IYD: variants seen among roughly 807,000 people sequenced by gnomAD.
The protein encoded by IYD is iodotyrosine deiodinase 1.
In IYD, 25 loss-of-function variants were observed where a neutral mutation model predicts 28.4. That is an observed-to-expected ratio of 0.88 (90% CI 0.64 to 1.23). The LOEUF is 1.23. IYD is among the 50% of genes most tolerant of loss of function. IYD has a pLI of 0.00. For missense variants in IYD, 352 were observed against 357.9 expected (o/e 0.98, Z 0.13); for synonymous variants, 140 against 130.8 (o/e 1.07, Z -0.48).
chr6:150,374,315 C>T (rs1252955358), intron 1 of IYD, among the ~76,000 whole-genome samples: 1 of 152,120 alleles, frequency 6.6e-6, no homozygotes, highest in South Asian at 2.1e-4. Context: ...AGTGAACAGT[C>T]GTGGAGACAT....
At chr6:150,388,665 T>TTC (rs1777986741) in intron 1 of IYD, among the ~76,000 whole-genome samples, 1 of 146,454 alleles carries the variant, frequency 6.8e-6, no homozygotes, top group Non-Finnish European at 1.5e-5. Flanking sequence ...CTTTCTTTCT[T>TTC]TCTTTCTTTC....
Position 150,395,640 on chromosome 6 carries a change from C to T in IYD, c.687+1385C>T, listed in dbSNP as rs548065860. 3.2e-4 allele frequency: 383 copies of T among 1,182,618 alleles called. 2 individuals carry two copies. In the African/African-American group the frequency reaches 5.0e-3, roughly 15 times the overall value. 73.3% of individuals were successfully genotyped at this position (1,182,618 alleles called of 1,614,324 possible). On this transcript the variant is annotated intron_variant, in intron 4 of 4. Transcript: ENST00000344419. Reference sequence around the variant, plus strand: ...CCCCCTAGCTTTCATAAGGCATAATCCCGAGAGTAGGTTATGATTAGTGAT... The same window carrying T: ...CCCCCTAGCTTTCATAAGGCATAATTCCGAGAGTAGGTTATGATTAGTGAT...
At chr6:150,373,774 A>T (rs117270228) in intron 1 of IYD, among the ~76,000 whole-genome samples, 2 of 152,210 alleles carry the variant, frequency 1.3e-5, no homozygotes, top group African/African-American at 2.4e-5. Context: ...CTGCTCAGAG[A>T]GTCGAGCTTG....
chr6:150,395,573 C>T (rs1327206886), intron 4 of IYD: 5 of 1,536,036 alleles, frequency 3.3e-6, no homozygotes, highest in Non-Finnish European at 4.4e-6. Flanking sequence ...CCAGGTGCCT[C>T]TGCAGCAGGC....
intron 1 of IYD, among the ~76,000 whole-genome samples, chr6:150,387,518 A>G (rs74464866): frequency 0.01 from 1,563 of 151,842 alleles, 31 homozygotes; most frequent in African/African-American, 0.035. Flanking sequence ...CTCAGATGCT[A>G]TCTTTTCAAA....
In IYD at chr6:150,400,533, C is replaced by T. The variant is rs1778478106; in HGVS notation, c.*2296C>T. On this transcript the variant is annotated 3_prime_UTR_variant, in exon 5 of 5. Transcript: ENST00000344419. ...CCTAATTTTCAGTTTACAGTAAATA[C>T]AGAGGATAAAGAAGTTAATGGCATG... is the stretch of plus-strand genomic sequence containing the variant. 2 of 152,038 alleles carry T rather than the reference C, an allele frequency of 1.3e-5. No homozygotes were observed. Among genetic ancestry groups the T allele is most frequent in the Non-Finnish European group, 2.9e-5 (2 of 68,014 alleles). The allele number at this position is 152,038 out of a possible 1,614,324, so 9.4% of individuals were successfully genotyped here. A position where few individuals can be genotyped will look rare whatever the true frequency, so the allele number is the denominator to read the frequency against.
At chr6:150,383,296 T>TC (rs1309380551) in intron 1 of IYD, among the ~76,000 whole-genome samples, 2 of 151,904 alleles carry the variant, frequency 1.3e-5, no homozygotes, top group African/African-American at 4.8e-5. Context: ...CTGTCAAGTC[T>TC]CCATGGGTAG....
At position 150,392,602 on chromosome 6, in the gene IYD, C is replaced by G. The variant is rs77168922; in HGVS notation, c.530+98C>G. On this transcript the variant is annotated intron_variant, in intron 3 of 4. Coordinates refer to ENST00000344419, the MANE Select transcript of IYD (RefSeq NM_203395.3). ...TGGCTTTGTTGTAAGCGTGAAAAAG[C>G]TTGATTCTATTCTGCCTCTTGGAGG... is the stretch of plus-strand genomic sequence containing the variant. The G allele has an allele frequency of 3.6e-3, 4,550 of 1,281,660 alleles. 153 individuals are homozygous for G. The African/African-American group carries it at 0.059, about 17-fold the overall frequency. 79.4% of individuals were successfully genotyped at this position (1,281,660 alleles called of 1,614,324 possible).
intron 1 of IYD, among the ~76,000 whole-genome samples, chr6:150,376,814 G>T (rs1582772975): frequency 1.3e-5 from 2 of 152,120 alleles, no homozygotes; most frequent in South Asian, 4.2e-4. Context: ...TAAAGACAGG[G>T]TCTCTCTATG....
At chr6:150,376,507 G>A (rs1777450877) in intron 1 of IYD, among the ~76,000 whole-genome samples, 1 of 151,904 alleles carries the variant, frequency 6.6e-6, no homozygotes, top group Non-Finnish European at 1.5e-5. Context: ...GGAAGGCGAG[G>A]GGTGGAACTT....
intron 1 of IYD, among the ~76,000 whole-genome samples, chr6:150,379,831 C>T (rs1037027418): frequency 1.3e-5 from 2 of 152,120 alleles, no homozygotes; most frequent in African/African-American, 4.8e-5. Flanking sequence ...ATTCATTCCC[C>T]CTGAAATTCA....
rs1173649599 is a variant in IYD at position 150,369,192 on chromosome 6, T to C, written c.161T>C (p.Leu54Pro). The change falls in exon 1 of 5, where the codon CTG becomes CCG. Residue 54 changes from leucine (L) to proline (P), a missense_variant. Physicochemically the swap from Leu to Pro is moderately conservative, Grantham distance 98. Transcript: ENST00000344419. ...GAAGACTTAAAAGACAGCAGTGACCTGCACCAAGCAGAAGAAGGTAAAGAC... is the reference window on the plus strand; with the variant it reads ...GAAGACTTAAAAGACAGCAGTGACCCGCACCAAGCAGAAGAAGGTAAAGAC... ...VDEDLKDSSD[L>P]HQAEEDADEW... 1.2e-6 allele frequency: 2 copies of C among 1,612,898 alleles called. No individual in the cohort carries two copies. Among genetic ancestry groups the C allele is most frequent in the Non-Finnish European group, 1.7e-6 (2 of 1,179,964 alleles).
At chr6:150,370,445 G>T (rs2115008417) in intron 1 of IYD, 1 of 974,478 alleles carries the variant, frequency 1.0e-6, no homozygotes, top group Non-Finnish European at 1.2e-6. Context: ...GAGAGAGTGT[G>T]TGCATGAGTG....
Position 150,405,005 on chromosome 6 carries a change from G to A in IYD, c.*6768G>A, listed in dbSNP as rs1778607771. ...GCACAGTGCTTGGAACATAATAGGT[G>A]CTCAATAAATATTCAGTACATATTG... On this transcript the variant is annotated 3_prime_UTR_variant, in exon 5 of 5. Coordinates refer to ENST00000344419, the MANE Select transcript of IYD (RefSeq NM_203395.3). 1 of 152,142 alleles carries A rather than the reference G, an allele frequency of 6.6e-6. No homozygotes were observed. Among genetic ancestry groups the A allele is most frequent in the Admixed American group, 6.5e-5 (1 of 15,278 alleles). The allele number at this position is 152,142 out of a possible 1,614,324, so 9.4% of individuals were successfully genotyped here. A position where few individuals can be genotyped will look rare whatever the true frequency, so the allele number is the denominator to read the frequency against.
Position 150,401,510 on chromosome 6 carries a change from CA to C in IYD, c.*3274del, listed in dbSNP as rs1178811762. On this transcript the variant is annotated 3_prime_UTR_variant, in exon 5 of 5. Transcript: ENST00000344419. ...CACTTCTTCTGCCCCAAGCACACCC[CA>C]CACTAATTTCTGCTGCAGCATCACG... The C allele has an allele frequency of 6.6e-6, 1 of 152,298 alleles. No homozygotes were observed. Among genetic ancestry groups the C allele is most frequent in the Non-Finnish European group, 1.5e-5 (1 of 68,134 alleles). 9.4% of individuals were successfully genotyped at this position (152,298 alleles called of 1,614,324 possible). A position where few individuals can be genotyped will look rare whatever the true frequency, so the allele number is the denominator to read the frequency against.
intron 1 of IYD, among the ~76,000 whole-genome samples, chr6:150,371,379 C>T (rs759065916): frequency 1.3e-5 from 2 of 152,168 alleles, no homozygotes; most frequent in Non-Finnish European, 2.9e-5. Context: ...GGCTGCCTCT[C>T]CCCTGGGAGA....
At chr6:150,397,331 G>A (rs983139213) in intron 4 of IYD, among the ~76,000 whole-genome samples, 10 of 152,110 alleles carry the variant, frequency 6.6e-5, no homozygotes, top group African/African-American at 1.9e-4. Flanking sequence ...CACTTTGGGA[G>A]GCTGAGACGG....
chr6:150,384,159 T>A (rs1453223847), intron 1 of IYD: 1 of 152,206 alleles, frequency 6.6e-6, no homozygotes, highest in Admixed American at 6.5e-5. Flanking sequence ...TTTTCAGCAA[T>A]ATCACAGCAG....
Position 150,404,664 on chromosome 6 carries a change from G to A in IYD, c.*6427G>A, listed in dbSNP as rs560255979. On this transcript the variant is annotated 3_prime_UTR_variant, in exon 5 of 5. Transcript: ENST00000344419. Reference sequence around the variant, plus strand: ...TAAGGGAGTTTGGCTTATTCAACTTGAGTTAATCAAACATTAATTAAAGCC... The same window carrying A: ...TAAGGGAGTTTGGCTTATTCAACTTAAGTTAATCAAACATTAATTAAAGCC... The A allele has an allele frequency of 1.3e-5, 2 of 152,272 alleles. No homozygotes were observed. Among genetic ancestry groups the A allele is most frequent in the African/African-American group, 4.8e-5 (2 of 41,562 alleles). 9.4% of individuals were successfully genotyped at this position (152,272 alleles called of 1,614,324 possible). A position where few individuals can be genotyped will look rare whatever the true frequency, so the allele number is the denominator to read the frequency against.
Sources: allele counts gnomAD v4.1 joint callset (sites outside exome capture counted in the v4.1 genomes callset), GRCh38; gene constraint gnomAD v4.1.1; transcripts MANE v1.5; gene names NCBI Gene and HGNC (gene_info 2026-07-23, HGNC 2026-07-21).